The following ZNF66 variants were observed in gnomAD, a reference collection of about 807,000 sequenced individuals.
ZNF66 encodes zinc finger protein 66, also known as putative zinc finger protein 66.
In ZNF66, 32 loss-of-function variants were observed where a neutral mutation model predicts 35.2. That is an observed-to-expected ratio of 0.91 (90% CI 0.69 to 1.22). The LOEUF (loss-of-function observed/expected upper bound fraction) is 1.22, where lower values mean the gene tolerates loss of function less well. Ranked by LOEUF, ZNF66 falls within the 50% of genes most tolerant of loss-of-function variation. The probability of loss-of-function intolerance (pLI) is 0.00; values close to 1 mark genes in which losing one functional copy is unlikely to be tolerated. For missense variants in ZNF66, 666 were observed against 543.1 expected (o/e 1.23, Z -2.25); for synonymous variants, 231 against 181.3 (o/e 1.27, Z -2.20).
In ZNF66 at chr19:20,806,344, G is replaced by T. The variant is rs143237545; in HGVS notation, c.744G>T (p.Lys248Asn). 2,445 of 1,558,414 alleles carry T rather than the reference G, an allele frequency of 1.6e-3. 33 individuals are homozygous for T. The African/African-American group carries it at 0.03, about 19-fold the overall frequency. The change falls in exon 4 of 4, where the codon AAG becomes AAT. Residue 248 changes from lysine (K) to asparagine (N), a missense_variant. Lys to Asn is a moderately conservative substitution (Grantham distance 94). Transcript: ENST00000344519. The stretch of plus-strand genomic sequence containing the variant: ...GCTCCTCTAACCTTACTACACATAA[G>T]AAAATTCATACTGGAGAGAAACCCT... ...FNRSSNLTTH[K>N]KIHTGEKPYK...
intron 3 of ZNF66, 87 bp downstream of exon 3, chr19:20,793,965 G>A: frequency 1.5e-6 from 1 of 652,126 alleles, no homozygotes. Flanking sequence ...GTGTGATTCT[G>A]GAAGCTGTGT....
chr19:20,808,483 ACTC>A lies in ZNF66; in HGVS notation c.*1165_*1167del, dbSNP rs2144925865. 6.6e-6 allele frequency among the ~76,000 whole-genome samples: 1 copy of A among 152,124 alleles called. No homozygotes were observed. The highest frequency in any genetic ancestry group is 1.9e-4 in the East Asian group (1 of 5,158). ...AGACTGACACTTCACACGGCTGGGT[ACTC>A]CTCATATAAAACTTCCAGAGGACCG... On this transcript the variant is annotated 3_prime_UTR_variant, in exon 4 of 4. Transcript: ENST00000344519.
chr19:20,785,365 C>G (rs552745776), intron 1 of ZNF66, among the ~76,000 whole-genome samples: 9 of 152,338 alleles, frequency 5.9e-5, no homozygotes, highest in Admixed American at 3.3e-4. Flanking sequence ...GAATCCTATT[C>G]AACCATTTTT....
chr19:20,781,759 C>T (rs1599545561), intron 1 of ZNF66, among the ~76,000 whole-genome samples: 2 of 152,114 alleles, frequency 1.3e-5, no homozygotes, highest in Non-Finnish European at 2.9e-5. Context: ...CAACCCACCT[C>T]GGCCTCCCAA....
At chr19:20,779,994 C>T (rs1255446238) in intron 1 of ZNF66, among the ~76,000 whole-genome samples, 1 of 151,628 alleles carries the variant, frequency 6.6e-6, no homozygotes, top group East Asian at 1.9e-4. Flanking sequence ...ACCTGTAATC[C>T]CAGCTACTTG....
intron 3 of ZNF66, among the ~76,000 whole-genome samples, chr19:20,797,261 A>G (rs1337745508): frequency 1.0e-5 from 1 of 95,326 alleles, no homozygotes; most frequent in African/African-American, 4.1e-5. Flanking sequence ...GCTGGAGTGC[A>G]GTGGCGCAAT....
Position 20,807,938 on chromosome 19 carries a change from T to C in ZNF66, c.*616T>C, listed in dbSNP as rs1488098363. ...TGCCTCACTCACGAAGCGCAAGGAGTCAGGGAGTTCCCTTTCCTAGTCAAA... is the reference window on the plus strand; with the variant it reads ...TGCCTCACTCACGAAGCGCAAGGAGCCAGGGAGTTCCCTTTCCTAGTCAAA... On this transcript the variant is annotated 3_prime_UTR_variant, in exon 4 of 4. Coordinates refer to ENST00000344519, the MANE Select transcript of ZNF66 (RefSeq NM_001355197.2). Among the ~76,000 whole-genome samples, 1 of 151,724 alleles carries C rather than the reference T, an allele frequency of 6.6e-6. No individual in the cohort carries two copies. The highest frequency in any genetic ancestry group is 1.5e-5 in the Non-Finnish European group (1 of 67,926).
chr19:20,793,932 CA>C, intron 3 of ZNF66, 54 bp downstream of exon 3: 1 of 867,002 alleles, frequency 1.2e-6, no homozygotes, highest in Non-Finnish European at 1.8e-6. Flanking sequence ...AGTCCAAGGT[CA>C]AAAAGAAAGC....
chr19:20,791,029 C>T (rs781218460), intron 1 of ZNF66, among the ~76,000 whole-genome samples: 3 of 152,120 alleles, frequency 2.0e-5, no homozygotes, highest in South Asian at 2.1e-4. Flanking sequence ...TTATGATCTG[C>T]AATATTAAAA....
intron 1 of ZNF66, among the ~76,000 whole-genome samples, chr19:20,779,219 A>G (rs1291440449): frequency 6.6e-6 from 1 of 152,242 alleles, no homozygotes; most frequent in Non-Finnish European, 1.5e-5. Flanking sequence ...TGTAAAAAAA[A>G]AATGAATTCC....
At position 20,808,474 on chromosome 19, in the gene ZNF66, C is replaced by T. The variant is rs548271122; in HGVS notation, c.*1152C>T. Among the ~76,000 whole-genome samples, 8 of 152,260 alleles carry T rather than the reference C, an allele frequency of 5.3e-5. No individual in the cohort carries two copies. Among genetic ancestry groups the T allele is most frequent in the East Asian group, 1.9e-4 (1 of 5,174 alleles). On this transcript the variant is annotated 3_prime_UTR_variant, in exon 4 of 4. Transcript: ENST00000344519. Reference sequence around the variant, plus strand: ...AGTAGGGGCAGACTGACACTTCACACGGCTGGGTACTCCTCATATAAAACT... The same window carrying T: ...AGTAGGGGCAGACTGACACTTCACATGGCTGGGTACTCCTCATATAAAACT...
intron 1 of ZNF66, among the ~76,000 whole-genome samples, chr19:20,776,748 T>C (rs1206845238): frequency 6.6e-6 from 1 of 152,158 alleles, no homozygotes. Context: ...GGGAGAATGC[T>C]GACTCGCGGT....
chr19:20,779,786 G>A (rs939159070), intron 1 of ZNF66, among the ~76,000 whole-genome samples: 3 of 151,862 alleles, frequency 2.0e-5, no homozygotes, highest in African/African-American at 7.3e-5. Context: ...AAAATCAACA[G>A]GTGTGGTGGT....
At chr19:20,795,551 G>A (rs542346220) in intron 3 of ZNF66, among the ~76,000 whole-genome samples, 3 of 151,988 alleles carry the variant, frequency 2.0e-5, no homozygotes, top group African/African-American at 7.2e-5. Context: ...ATTTTTAGTA[G>A]AGAAGGTGTT....
intron 2 of ZNF66, among the ~76,000 whole-genome samples, chr19:20,793,227 T>A (rs1971355658): frequency 6.6e-6 from 1 of 151,986 alleles, no homozygotes; most frequent in African/African-American, 2.4e-5. Flanking sequence ...CCTGAAAATC[T>A]ACTTGCCACC....
At chr19:20,785,763 TTGTTTGTTTG>T in intron 1 of ZNF66, among the ~76,000 whole-genome samples, 1 of 128,154 alleles carries the variant, frequency 7.8e-6, no homozygotes, top group Admixed American at 7.5e-5. Flanking sequence ...TTTTGTTTGT[TTGTTTGTTTG>T]TTTTTTGAGA....
At chr19:20,794,852 G>A (rs1378544431) in intron 3 of ZNF66, among the ~76,000 whole-genome samples, 1 of 144,872 alleles carries the variant, frequency 6.9e-6, no homozygotes, top group African/African-American at 2.5e-5. Context: ...ATAAAATTGT[G>A]TGATTTACAA....
intron 3 of ZNF66, among the ~76,000 whole-genome samples, chr19:20,803,878 A>T (rs1259704545): frequency 6.6e-6 from 1 of 152,054 alleles, no homozygotes; most frequent in Non-Finnish European, 1.5e-5. Context: ...AGCTTTTTTT[A>T]AATTATTATT....
chr19:20,788,621 TCTCAAA>T (rs1971308581), intron 1 of ZNF66, among the ~76,000 whole-genome samples: 13 of 151,938 alleles, frequency 8.6e-5, no homozygotes, highest in Admixed American at 6.6e-4. Flanking sequence ...GTCAGACTGG[TCTCAAA>T]CTCCTGATGT....
Sources: allele counts gnomAD v4.1 joint callset (sites outside exome capture counted in the v4.1 genomes callset), GRCh38; gene constraint gnomAD v4.1.1; transcripts MANE v1.5; gene names NCBI Gene and HGNC (gene_info 2026-07-23, HGNC 2026-07-21).